Variants in MYH14 observed in about 807,000 individuals in gnomAD.
MYH14 encodes the protein myosin-14.
MYH14 carries 123 observed loss-of-function variants against 255.5 expected under a neutral mutation model. The observed-to-expected ratio is 0.48, with a 90% confidence interval of 0.42 to 0.56. MYH14 has a LOEUF of 0.56. Among genes scored for constraint, MYH14 ranks in the 20% least tolerant of loss-of-function variants. The probability of loss-of-function intolerance (pLI) is 0.00; values close to 1 mark genes in which losing one functional copy is unlikely to be tolerated. For synonymous variants in MYH14, 1,095 were observed against 1,161.2 expected (o/e 0.94, Z 1.16); for missense variants, 2,423 against 2,802.3 (o/e 0.86, Z 3.06).
At chr19:50,229,222 C>T (rs534056504) in intron 8 of MYH14, among the ~76,000 whole-genome samples, 16 of 152,284 alleles carry the variant, frequency 1.1e-4, no homozygotes, top group Non-Finnish European at 1.9e-4. Context: ...CCCAGGGCTT[C>T]TGGGAAATGG....
At chr19:50,264,011 A>G (rs1651550) in intron 22 of MYH14, among the ~76,000 whole-genome samples, 1 of 143,118 alleles carries the variant, frequency 7.0e-6, no homozygotes, top group East Asian at 2.0e-4. Context: ...GAGCCAAGAT[A>G]GTGTCACTAC....
At chr19:50,285,798 T>C (rs2123435167) in intron 33 of MYH14, 1 of 152,352 alleles carries the variant, frequency 6.6e-6, no homozygotes, top group East Asian at 1.9e-4. Context: ...TCTTTCTTTT[T>C]CTTTCTTTGC....
Position 50,266,913 on chromosome 19 carries a change from G to C in MYH14, c.2731G>C (p.Val911Leu). 6.4e-7 allele frequency: 1 copy of C among 1,552,350 alleles called. No individual in the cohort carries two copies. Among genetic ancestry groups the C allele is most frequent in the Non-Finnish European group, 8.7e-7 (1 of 1,147,356 alleles). ...PLLQVTRQDE[V>L]LQARAQELQK... is the part of the protein sequence containing the mutation. ...GCTGCAGGTGACGCGGCAGGATGAG[G>C]TGCTGCAGGCACGGGCCCAGGAGCT... Residue 911 changes from valine (V) to leucine (L), a missense_variant, in exon 23 of 43, where the codon GTG becomes CTG. Around this residue, in one of 3 missense-constraint regions of MYH14, gnomAD observed 1,513 missense variants for 1,674.8 expected, o/e 0.90. Transcript: ENST00000642316. This position sits in a 1 kb window ranked among gnomAD's most constrained non-coding sequence, Gnocchi z 4.1.
chr19:50,233,095 A>C (rs1034872633), intron 10 of MYH14, among the ~76,000 whole-genome samples: 5 of 152,090 alleles, frequency 3.3e-5, no homozygotes, highest in African/African-American at 1.2e-4. Context: ...AGGTTGGCCC[A>C]GGCTGCGCGG....
chr19:50,309,998 G>A lies in MYH14; in HGVS notation c.*208G>A, dbSNP rs888002456. On this transcript the variant is annotated 3_prime_UTR_variant, in exon 43 of 43. Coordinates refer to ENST00000642316, the MANE Select transcript of MYH14 (RefSeq NM_001145809.2). Reference sequence around the variant, plus strand: ...AAACACAGAGGAGCGGGGCAGGCAGGGAGGCAATGACTGGAGCTACCTTGC... The same window carrying A: ...AAACACAGAGGAGCGGGGCAGGCAGAGAGGCAATGACTGGAGCTACCTTGC... The A allele has an allele frequency of 1.5e-5, 10 of 663,172 alleles. No homozygotes were observed. The highest frequency in any genetic ancestry group is 2.4e-5 in the Non-Finnish European group (9 of 376,356). The allele number at this position is 663,172 out of a possible 1,614,324, so 41.1% of individuals were successfully genotyped here. A position where few individuals can be genotyped will look rare whatever the true frequency, so the allele number is the denominator to read the frequency against.
Position 50,252,895 on chromosome 19 carries a change from A to T in MYH14, c.1945+142A>T. The T allele has an allele frequency of 1.7e-6, 1 of 602,212 alleles. No individual in the cohort carries two copies. Among genetic ancestry groups the T allele is most frequent in the East Asian group, 2.8e-5 (1 of 36,186 alleles). The allele number at this position is 602,212 out of a possible 1,614,324, so 37.3% of individuals were successfully genotyped here. ...ACCCAGAATAGCCAGTGTCACAAATAGTATTTCAAATCAGTGATGGATGGA... is the reference window on the plus strand; with the variant it reads ...ACCCAGAATAGCCAGTGTCACAAATTGTATTTCAAATCAGTGATGGATGGA... On this transcript the variant is annotated intron_variant, in intron 16 of 42. Transcript: ENST00000642316. The surrounding 1 kb of genome is among the most constrained non-coding windows in gnomAD (Gnocchi z 4.2).
At chr19:50,281,934 C>T (rs1223184234) in intron 33 of MYH14, 92 bp downstream of exon 33, 14 of 1,395,672 alleles carry the variant, frequency 1.0e-5, no homozygotes, top group Middle Eastern at 1.8e-4. Flanking sequence ...CGTGCTGTCA[C>T]GGCTCAACTA....
At chr19:50,297,696 C>T (rs1242595083) in intron 39 of MYH14, among the ~76,000 whole-genome samples, 1 of 151,532 alleles carries the variant, frequency 6.6e-6, no homozygotes, top group African/African-American at 2.4e-5. Flanking sequence ...GATGGCATTT[C>T]ACCATGTTGG....
intron 30 of MYH14, 50 bp from the exon 31 acceptor site, chr19:50,279,987 C>T (rs1601012486): frequency 7.2e-6 from 10 of 1,386,512 alleles, no homozygotes; most frequent in Non-Finnish European, 9.1e-6. Context: ...GATGGGGTCA[C>T]TGGGTGGAAG....
At chr19:50,223,166 G>T (rs372717063) in intron 4 of MYH14, 56 bp downstream of exon 4, 166 of 1,609,744 alleles carry the variant, frequency 1.0e-4, no homozygotes, top group Non-Finnish European at 1.3e-4. Context: ...GGGCGTGGCT[G>T]TGTTTGGAAT....
At position 50,250,674 on chromosome 19, in the gene MYH14, C is replaced by T; in HGVS notation, c.1816C>T (p.His606Tyr). Residue 606 changes from histidine to tyrosine, a missense_variant, in exon 15 of 43, where the codon CAC (histidine) becomes TAC (tyrosine). Coordinates refer to ENST00000642316, the MANE Select transcript of MYH14 (RefSeq NM_001145809.2). This position sits in a 1 kb window ranked among gnomAD's most constrained non-coding sequence, Gnocchi z 5.4. ...LRDQADFSVL[H>Y]YAGKVDYKAN... ...GGATCAGGCCGACTTCAGTGTTCTC[C>T]ACTACGCGGGCAAGGTAGGGGCTGG... is the stretch of plus-strand genomic sequence containing the variant. 1 of 1,612,708 alleles carries T rather than the reference C, an allele frequency of 6.2e-7. No individual in the cohort carries two copies.
At chr19:50,259,492 C>T (rs562458831) in intron 19 of MYH14, among the ~76,000 whole-genome samples, 1 of 152,342 alleles carries the variant, frequency 6.6e-6, no homozygotes, top group African/African-American at 2.4e-5. Flanking sequence ...CTATGGGGAT[C>T]TGGGGTACAT....
chr19:50,259,120 C>T (rs750398350), intron 18 of MYH14, 24 bp from the exon 19 acceptor site: 7 of 1,541,928 alleles, frequency 4.5e-6, no homozygotes, highest in South Asian at 1.2e-5. Flanking sequence ...CGCTGACCCC[C>T]GCGTGTCCGT....
At chr19:50,299,265 C>T (rs2036390659) in intron 39 of MYH14, among the ~76,000 whole-genome samples, 1 of 152,056 alleles carries the variant, frequency 6.6e-6, no homozygotes, top group Non-Finnish European at 1.5e-5. Flanking sequence ...CTACATTCTT[C>T]AACAGATAAA....
chr19:50,256,974 T>A (rs1461737096), intron 17 of MYH14, among the ~76,000 whole-genome samples: 1 of 152,186 alleles, frequency 6.6e-6, no homozygotes, highest in African/African-American at 2.4e-5. Context: ...GTTATTGTCA[T>A]CATTTATTGA....
At chr19:50,240,753 A>G (rs1331450257) in intron 10 of MYH14, among the ~76,000 whole-genome samples, 1 of 152,226 alleles carries the variant, frequency 6.6e-6, no homozygotes, top group African/African-American at 2.4e-5. Context: ...CCTGGGCAAC[A>G]GAATGAGATC....
Position 50,293,404 on chromosome 19 carries a change from G to T in MYH14, c.5345+83G>T. 6.6e-7 allele frequency: 1 copy of T among 1,521,326 alleles called. No individual in the cohort carries two copies. The highest frequency in any genetic ancestry group is 1.2e-5 in the South Asian group (1 of 84,006). 94.2% of individuals were successfully genotyped at this position (1,521,326 alleles called of 1,614,324 possible). A position where few individuals can be genotyped will look rare whatever the true frequency, so the allele number is the denominator to read the frequency against. Reference sequence around the variant, plus strand: ...GGTAGGCTGGAGGTGGCTGGGCTCTGGGACAGGAAACTGGGAGGTGGGCGG... The same window carrying T: ...GGTAGGCTGGAGGTGGCTGGGCTCTTGGACAGGAAACTGGGAGGTGGGCGG... On this transcript the variant is annotated intron_variant, in intron 38 of 42. Transcript: ENST00000642316. The surrounding 1 kb of genome is among the most constrained non-coding windows in gnomAD (Gnocchi z 4.1).
intron 2 of MYH14, among the ~76,000 whole-genome samples, chr19:50,211,654 A>G (rs1407471647): frequency 2.0e-5 from 3 of 152,118 alleles, no homozygotes; most frequent in Non-Finnish European, 4.4e-5. Flanking sequence ...AGAGCCAGGT[A>G]GTCTGTCTTC....
intron 2 of MYH14, among the ~76,000 whole-genome samples, chr19:50,215,108 G>A (rs1443122113): frequency 1.3e-5 from 2 of 152,166 alleles, no homozygotes; most frequent in African/African-American, 2.4e-5. Flanking sequence ...CTCCCACCCT[G>A]TGGGGGTGCA....
Sources: allele counts gnomAD v4.1 joint callset (sites outside exome capture counted in the v4.1 genomes callset), GRCh38; gene constraint gnomAD v4.1.1; regional missense constraint gnomAD v4.1.1; non-coding constraint Gnocchi (gnomAD v3.1); transcripts MANE v1.5; gene names NCBI Gene and HGNC (gene_info 2026-07-23, HGNC 2026-07-21).